The following RAB33A variants were observed in gnomAD, a reference collection of about 807,000 sequenced individuals.
RAB33A encodes the protein RAB33A, member RAS oncogene family.
A neutral mutation model predicts 12.0 loss-of-function variants in RAB33A; 6 were observed. The observed-to-expected ratio is 0.50, with a 90% CI of 0.27 to 0.99. RAB33A has a LOEUF of 0.99. Ranked by LOEUF, RAB33A falls within the 50% of genes least tolerant of loss-of-function variation. The pLI, the probability that RAB33A is intolerant of heterozygous loss-of-function variation, is 0.11. For missense variants in RAB33A, 109 were observed against 192.0 expected, an observed-to-expected ratio of 0.57 and a Z score of 2.55; for synonymous variants, 70 against 82.4, an observed-to-expected ratio of 0.85 and a Z score of 0.81.
At chrX:130,154,976 T>A in the RAB33A span, among the ~76,000 whole-genome samples, 1 of 112,473 alleles carries the variant, frequency 8.9e-6, no homozygotes, top group Non-Finnish European at 1.9e-5. Context: ...CTGGTAGGAC[T>A]TCAACAGTTT....
chrX:130,131,756 C>T, the RAB33A span: 2 of 1,211,903 alleles, frequency 1.7e-6, no homozygotes, highest in Non-Finnish European at 1.1e-6. Context: ...CTACTGTCCA[C>T]AAGACCAATA....
the RAB33A span, among the ~76,000 whole-genome samples, chrX:130,138,983 T>C: frequency 3.6e-5 from 4 of 111,098 alleles, no homozygotes; most frequent in African/African-American, 9.8e-5. Flanking sequence ...AAGTAGGTGC[T>C]CCCAGCATTT....
upstream of RAB33A, among the ~76,000 whole-genome samples, chrX:130,167,612 A>T (rs1000259157): frequency 6.2e-5 from 7 of 112,389 alleles, no homozygotes; most frequent in Admixed American, 9.4e-5. Flanking sequence ...GCGCCATGGC[A>T]TGCGCCTGTA....
the RAB33A span, among the ~76,000 whole-genome samples, chrX:130,141,023 G>A: frequency 8.9e-6 from 1 of 112,350 alleles, no homozygotes; most frequent in African/African-American, 3.2e-5. Context: ...GGCTGAGGCA[G>A]GAGAATCGCT....
At chrX:130,117,909 G>C in the RAB33A span, among the ~76,000 whole-genome samples, 1 of 112,490 alleles carries the variant, frequency 8.9e-6, no homozygotes, top group African/African-American at 3.2e-5. Flanking sequence ...GGCCTTAGCT[G>C]ATCTCCCCAC....
the RAB33A span, among the ~76,000 whole-genome samples, chrX:130,151,249 T>A: frequency 9.1e-6 from 1 of 109,447 alleles, no homozygotes; most frequent in East Asian, 2.9e-4. Flanking sequence ...CAAGCGATTC[T>A]GCTGCCTCAG....
At chrX:130,121,883 CTCT>C in the RAB33A span, among the ~76,000 whole-genome samples, 1 of 112,472 alleles carries the variant, frequency 8.9e-6, no homozygotes, top group African/African-American at 3.2e-5. Flanking sequence ...AAGCTGGTGG[CTCT>C]TCTTTAGAAC....
the RAB33A span, among the ~76,000 whole-genome samples, chrX:130,166,480 C>T: frequency 2.7e-5 from 3 of 112,237 alleles, no homozygotes; most frequent in African/African-American, 9.7e-5. Context: ...CTCGGACTTT[C>T]TGGGAAGAGA....
At chrX:130,158,001 G>A in the RAB33A span, among the ~76,000 whole-genome samples, 6 of 109,641 alleles carry the variant, frequency 5.5e-5, no homozygotes, top group Non-Finnish European at 7.6e-5. Flanking sequence ...AGTGGCTCAC[G>A]CCTGTAATCC....
At position 130,172,030 on chromosome X, in the gene RAB33A, G is replaced by C. The variant is rs1435878838; in HGVS notation, c.-33G>C. 1 of 1,182,012 alleles carries C rather than the reference G, an allele frequency of 8.5e-7. No homozygotes were observed. The highest frequency in any genetic ancestry group is 2.4e-5 in the Admixed American group (1 of 41,793). On this transcript the variant is annotated 5_prime_UTR_variant, in exon 1 of 2. Coordinates refer to ENST00000257017, the MANE Select transcript of RAB33A (RefSeq NM_004794.3). Reference sequence around the variant, plus strand: ...CGTTCTCTTTGTGTGGAGCCCTCAAGGGGGGTTGGGGCCCCGGTTCGGTCC... The same window carrying C: ...CGTTCTCTTTGTGTGGAGCCCTCAACGGGGGTTGGGGCCCCGGTTCGGTCC...
At chrX:130,147,672 G>A in the RAB33A span, 1 of 1,211,327 alleles carries the variant, frequency 8.3e-7, no homozygotes, top group Non-Finnish European at 1.1e-6. Flanking sequence ...TCATTTAAGG[G>A]GCAAATGTCA....
chrX:130,176,242 T>C (rs1272936992), intron 1 of RAB33A, among the ~76,000 whole-genome samples: 2 of 112,245 alleles, frequency 1.8e-5, no homozygotes, highest in African/African-American at 6.5e-5. Flanking sequence ...GTCTGTCTCC[T>C]AAATGCATTG....
chrX:130,138,544 G>T, the RAB33A span: 5 of 874,422 alleles, frequency 5.7e-6, no homozygotes, highest in Non-Finnish European at 1.7e-6. Flanking sequence ...TCACAGAAAA[G>T]CTATATAAGA....
chrX:130,160,720 C>A, the RAB33A span, among the ~76,000 whole-genome samples: 1 of 110,929 alleles, frequency 9.0e-6, no homozygotes, highest in South Asian at 3.7e-4. Flanking sequence ...GCCCGGATAA[C>A]TGAACATTTT....
chrX:130,140,499 A>G, the RAB33A span: 3 of 1,122,501 alleles, frequency 2.7e-6, no homozygotes, highest in Non-Finnish European at 3.7e-6. Flanking sequence ...AATGAGCTGT[A>G]TCAGGGAAGA....
the RAB33A span, chrX:130,130,094 G>A: frequency 2.5e-6 from 3 of 1,209,999 alleles, no homozygotes; most frequent in Non-Finnish European, 3.4e-6. Flanking sequence ...CTGTGGAACT[G>A]CCGGGGTGCT....
the RAB33A span, among the ~76,000 whole-genome samples, chrX:130,126,349 G>C: frequency 1.8e-5 from 2 of 110,820 alleles, no homozygotes; most frequent in Non-Finnish European, 3.8e-5. Context: ...AAAATTAGCC[G>C]GGTGTGGTGG....
chrX:130,176,080 A>G (rs1174182491), intron 1 of RAB33A, among the ~76,000 whole-genome samples: 1 of 111,459 alleles, frequency 9.0e-6, no homozygotes, highest in Admixed American at 9.6e-5. Context: ...TATGACAAGA[A>G]TCCAGAGGGA....
chrX:130,178,212 G>A (rs779745615), intron 1 of RAB33A, among the ~76,000 whole-genome samples: 5 of 110,901 alleles, frequency 4.5e-5, no homozygotes, highest in African/African-American at 9.8e-5. Flanking sequence ...CAGTTACTCC[G>A]AAGGCTGAAG....
Sources: allele counts gnomAD v4.1 joint callset (sites outside exome capture counted in the v4.1 genomes callset), GRCh38; gene constraint gnomAD v4.1.1; transcripts MANE v1.5; gene names NCBI Gene and HGNC (gene_info 2026-07-23, HGNC 2026-07-21).